OTOGL: variants seen among roughly 807,000 people sequenced by gnomAD.
OTOGL encodes otogelin-like protein.
A neutral mutation model predicts 318.5 loss-of-function variants in OTOGL; 285 were observed. The ratio of observed to expected loss-of-function variants is 0.89; its 90% CI spans 0.81 to 0.99. OTOGL has a LOEUF of 0.99. Ranked by LOEUF, OTOGL falls within the 50% of genes least tolerant of loss-of-function variation. The pLI is 0.00. For missense variants in OTOGL, 2,899 were observed against 2,845.6 expected, an observed-to-expected ratio of 1.02 and a Z score of -0.43; for synonymous variants, 987 against 936.5, an observed-to-expected ratio of 1.05 and a Z score of -0.99.
rs1426430158 is a variant in OTOGL, at chr12:80,380,794, CA to C, written c.*2749del. ...TGCCGTACAAACGCCTGTACAAATA[CA>C]AAGTGGTATTTGTGAAGGTTATTAA... On this transcript the variant is annotated 3_prime_UTR_variant, in exon 59 of 59. Transcript: ENST00000547103. The C allele has an allele frequency of 2.0e-5, 3 of 152,018 alleles. No individual in the cohort carries two copies. The highest frequency in any genetic ancestry group is 4.8e-5 in the African/African-American group (2 of 41,412). 9.4% of individuals were successfully genotyped at this position (152,018 alleles called of 1,614,324 possible).
chr12:80,145,821 T>C (rs1476458368), intron 1 of OTOGL, among the ~76,000 whole-genome samples: 2 of 152,018 alleles, frequency 1.3e-5, no homozygotes, highest in Non-Finnish European at 2.9e-5. Context: ...TTTGAAGCAG[T>C]TGTGAATGGG....
chr12:80,278,176 AGCACAGAGGAAAGTGT>A lies in OTOGL; in HGVS notation c.2691_2706del (p.Glu897AspfsTer21). ...TATTCTTCATTTGGAAGAATGGCAG[AGCACAGAGGAAAGTGT>A]TATGTTCCTGAAAGCTGCCCATGTA... is the stretch of plus-strand genomic sequence containing the variant. On this transcript the variant is annotated frameshift_variant, in exon 25 of 59. Coordinates refer to ENST00000547103, the MANE Select transcript of OTOGL (RefSeq NM_001378609.3). LOFTEE classifies it high-confidence loss of function. 1 of 1,545,324 alleles carries A rather than the reference AGCACAGAGGAAAGTGT, an allele frequency of 6.5e-7. No individual in the cohort carries two copies. Among genetic ancestry groups the A allele is most frequent in the South Asian group, 1.2e-5 (1 of 83,814 alleles).
chr12:80,217,165 G>A (rs184043774), intron 4 of OTOGL, among the ~76,000 whole-genome samples: 6 of 151,804 alleles, frequency 4.0e-5, no homozygotes, highest in Admixed American at 1.3e-4. Flanking sequence ...ACCTATCTGC[G>A]CCTGGAAGTG....
rs1468329991 is a variant in OTOGL at position 80,256,380 on chromosome 12, A to G, written c.1631A>G (p.Glu544Gly). Residue 544 changes from glutamate to glycine, a missense_variant, in exon 17 of 59, where the codon GAG (glutamate) becomes GGG (glycine). By Grantham distance (98) the Glu-to-Gly change is moderately conservative. Around this residue, in one of 3 missense-constraint regions of OTOGL, gnomAD observed 2,607 missense variants for 2,524.9 expected, o/e 1.03. Coordinates refer to ENST00000547103, the MANE Select transcript of OTOGL (RefSeq NM_001378609.3). The stretch of plus-strand genomic sequence containing the variant: ...CTTCAGTCTATAACTCTGATTCTGG[A>G]GGATGATTTTAACAAACAAGTGACC... Reference protein sequence around the residue: ...VCLQSITLILEDDFNKQVTLG... With the variant: ...VCLQSITLILGDDFNKQVTLG... 6.3e-7 allele frequency: 1 copy of G among 1,595,748 alleles called. No individual in the cohort carries two copies. The highest frequency in any genetic ancestry group is 1.1e-5 in the South Asian group (1 of 90,538).
chr12:80,212,320 G>A (rs909033820), intron 4 of OTOGL, among the ~76,000 whole-genome samples: 4 of 152,046 alleles, frequency 2.6e-5, no homozygotes, highest in Non-Finnish European at 5.9e-5. Context: ...CACAATATCA[G>A]TTAGGACAAT....
chr12:80,264,724 A>G (rs1333254527), intron 19 of OTOGL, among the ~76,000 whole-genome samples: 2 of 152,134 alleles, frequency 1.3e-5, no homozygotes, highest in African/African-American at 2.4e-5. Context: ...TCCTCATGCA[A>G]TGGGATGGTT....
At chr12:80,114,766 T>C (rs555576745) in intron 1 of OTOGL, among the ~76,000 whole-genome samples, 1 of 152,240 alleles carries the variant, frequency 6.6e-6, no homozygotes, top group Admixed American at 6.5e-5. Flanking sequence ...AAATGTAGGT[T>C]TGGTCTTTTC....
chr12:80,107,506 G>A (rs1163327050), intron 1 of OTOGL, among the ~76,000 whole-genome samples: 1 of 152,186 alleles, frequency 6.6e-6, no homozygotes, highest in Non-Finnish European at 1.5e-5. Flanking sequence ...TGGTGGGGAT[G>A]TAAATTAGTT....
chr12:80,207,185 A>G (rs894566879), intron 1 of OTOGL, among the ~76,000 whole-genome samples: 5 of 152,104 alleles, frequency 3.3e-5, no homozygotes, highest in Non-Finnish European at 2.9e-5. Context: ...AGATTTTTCC[A>G]TATGGCTGTT....
chr12:80,368,740 G>C (rs1411328926), intron 55 of OTOGL, among the ~76,000 whole-genome samples: 1 of 151,690 alleles, frequency 6.6e-6, no homozygotes, highest in Non-Finnish European at 1.5e-5. Context: ...TTAGAATCTA[G>C]AGACAAGAAA....
At chr12:80,228,983 G>C (rs552428832) in intron 7 of OTOGL, among the ~76,000 whole-genome samples, 18 of 152,160 alleles carry the variant, frequency 1.2e-4, no homozygotes, top group African/African-American at 4.3e-4. Context: ...TTCTCCCAAA[G>C]CATACCATGT....
At chr12:80,282,396 T>TCC in intron 26 of OTOGL, among the ~76,000 whole-genome samples, 2 of 151,922 alleles carry the variant, frequency 1.3e-5, no homozygotes, top group Non-Finnish European at 2.9e-5. Context: ...TTGCTTATGT[T>TCC]TTACGTCATT....
intron 7 of OTOGL, among the ~76,000 whole-genome samples, chr12:80,226,858 T>C (rs1158338295): frequency 6.6e-6 from 1 of 152,164 alleles, no homozygotes; most frequent in East Asian, 1.9e-4. Flanking sequence ...CTGGAAAGTG[T>C]GCATGGGAAG....
chr12:80,124,155 G>A (rs1870662131), intron 1 of OTOGL, among the ~76,000 whole-genome samples: 2 of 152,124 alleles, frequency 1.3e-5, no homozygotes, highest in African/African-American at 4.8e-5. Flanking sequence ...TTCTTCTAGG[G>A]TTTTTATGGT....
rs757462097 is a variant in OTOGL at position 80,355,913 on chromosome 12, T to C, written c.5771T>C (p.Ile1924Thr). ...EREAEVVMGI[I>T]DKWTCCSKEV... ...GAAGCTGAAGTTGTCATGGGCATCA[T>C]TGATAAATGGACCTGCTGTTCAAAG... is the stretch of plus-strand genomic sequence containing the variant. The change falls in exon 47 of 59, where the codon ATT becomes ACT. Residue 1924 changes from isoleucine (I) to threonine (T), a missense_variant. By Grantham distance (89) the Ile-to-Thr change is moderately conservative. Transcript: ENST00000547103. 2.9e-5 allele frequency: 46 copies of C among 1,613,836 alleles called. 1 individual carries two copies. The highest frequency in any genetic ancestry group is 1.6e-4 in the Middle Eastern group (1 of 6,082).
At chr12:80,127,753 T>G (rs1870948818) in intron 1 of OTOGL, among the ~76,000 whole-genome samples, 1 of 152,228 alleles carries the variant, frequency 6.6e-6, no homozygotes, top group Non-Finnish European at 1.5e-5. Flanking sequence ...TTATTCTTTT[T>G]TCTCTAAACT....
chr12:80,127,939 A>G (rs1870963882), intron 1 of OTOGL, among the ~76,000 whole-genome samples: 2 of 152,064 alleles, frequency 1.3e-5, no homozygotes, highest in Admixed American at 1.3e-4. Flanking sequence ...TTAGCCATTC[A>G]TCTAATCTTT....
rs145894262 is a variant in OTOGL, at chr12:80,235,120, GA to G, written c.817+2032del. ...TTTTTCTTCTGTATCAAAGCTTCACGAAAAAAAAATAATCCTTAGTCCAGTT... is the reference window on the plus strand; with the variant it reads ...TTTTTCTTCTGTATCAAAGCTTCACGAAAAAAAATAATCCTTAGTCCAGTT... On this transcript the variant is annotated intron_variant, in intron 9 of 58. Transcript: ENST00000547103. 8.0e-5 allele frequency among the ~76,000 whole-genome samples: 12 copies of G among 149,210 alleles called. No individual in the cohort carries two copies. In the East Asian group the frequency reaches 9.8e-4, roughly 12 times the overall value.
Position 80,212,007 on chromosome 12 carries a change from G to A in OTOGL, c.168+10G>A. 2 of 1,567,388 alleles carry A rather than the reference G, an allele frequency of 1.3e-6. No individual in the cohort carries two copies. The highest frequency in any genetic ancestry group is 1.7e-6 in the Non-Finnish European group (2 of 1,161,142). On this transcript the variant is annotated intron_variant, in intron 4 of 58. Transcript: ENST00000547103. ...TCTTTTAGCAGCACAGGTAGGTTAT[G>A]CTTCAGGTGGAGAGAGAGGCAGAGA...
Sources: allele counts gnomAD v4.1 joint callset (sites outside exome capture counted in the v4.1 genomes callset), GRCh38; gene constraint gnomAD v4.1.1; regional missense constraint gnomAD v4.1.1; transcripts MANE v1.5; gene names NCBI Gene and HGNC (gene_info 2026-07-23, HGNC 2026-07-21).